Variants in TMEM170B observed in about 807,000 individuals in gnomAD.
TMEM170B encodes transmembrane protein 170B.
TMEM170B carries 6 observed loss-of-function variants against 13.0 expected under a neutral mutation model. The ratio of observed to expected loss-of-function variants is 0.46; its 90% CI spans 0.25 to 0.91. TMEM170B has a LOEUF of 0.91. TMEM170B is among the 40% of genes least tolerant of loss of function. TMEM170B has a pLI of 0.17. For synonymous variants in TMEM170B, 61 were observed against 64.9 expected (o/e 0.94, Z 0.29); for missense variants, 138 against 165.2 (o/e 0.84, Z 0.90).
At chr6:11,548,247 C>T (rs1759466051) in intron 1 of TMEM170B, among the ~76,000 whole-genome samples, 1 of 151,984 alleles carries the variant, frequency 6.6e-6, no homozygotes, top group African/African-American at 2.4e-5. Flanking sequence ...GAAAAAAACC[C>T]ATCAAAAAGT....
At position 11,579,623 on chromosome 6, in the gene TMEM170B, C is replaced by A. The variant is rs1378764533; in HGVS notation, c.*4062C>A. 1 of 152,116 alleles carries A rather than the reference C, an allele frequency of 6.6e-6. No homozygotes were observed. The highest frequency in any genetic ancestry group is 1.5e-5 in the Non-Finnish European group (1 of 68,010). The allele number at this position is 152,116 out of a possible 1,614,324, so 9.4% of individuals were successfully genotyped here. A position where few individuals can be genotyped will look rare whatever the true frequency, so the allele number is the denominator to read the frequency against. On this transcript the variant is annotated 3_prime_UTR_variant, in exon 3 of 3. Coordinates refer to ENST00000379426, the MANE Select transcript of TMEM170B (RefSeq NM_001100829.3). ...CTTTTTCTTTTTAAAATCAGCAGATCTTTAAGAACCTTTTGTGAATTGGTG... is the reference window on the plus strand; with the variant it reads ...CTTTTTCTTTTTAAAATCAGCAGATATTTAAGAACCTTTTGTGAATTGGTG...
In TMEM170B at chr6:11,581,520, T is replaced by C. The variant is rs767184526; in HGVS notation, c.*5959T>C. On this transcript the variant is annotated 3_prime_UTR_variant, in exon 3 of 3. Transcript: ENST00000379426. ...AACATGACTCCACCCTTTTTGGGAATGTATTTAGGTGGATAACTGAAACGG... is the reference window on the plus strand; with the variant it reads ...AACATGACTCCACCCTTTTTGGGAACGTATTTAGGTGGATAACTGAAACGG... 1 of 152,232 alleles carries C rather than the reference T, an allele frequency of 6.6e-6. No individual in the cohort carries two copies. The highest frequency in any genetic ancestry group is 1.5e-5 in the Non-Finnish European group (1 of 68,028). The allele number at this position is 152,232 out of a possible 1,614,324, so 9.4% of individuals were successfully genotyped here. A position where few individuals can be genotyped will look rare whatever the true frequency, so the allele number is the denominator to read the frequency against.
rs112446091 is a variant in TMEM170B, at chr6:11,577,905, T to C, written c.*2344T>C. ...TGTGCAACTGTCTCTCTTTTGATGT[T>C]TTGAGATGCAGTTGAATAGTTTGAG... is the stretch of plus-strand genomic sequence containing the variant. On this transcript the variant is annotated 3_prime_UTR_variant, in exon 3 of 3. Coordinates refer to ENST00000379426, the MANE Select transcript of TMEM170B (RefSeq NM_001100829.3). The C allele has an allele frequency of 2.0e-5, 3 of 152,254 alleles. No individual in the cohort carries two copies. Among genetic ancestry groups the C allele is most frequent in the African/African-American group, 7.2e-5 (3 of 41,568 alleles). The allele number at this position is 152,254 out of a possible 1,614,324, so 9.4% of individuals were successfully genotyped here.
At chr6:11,571,382 A>T (rs1003297789) in intron 2 of TMEM170B, among the ~76,000 whole-genome samples, 2 of 151,972 alleles carry the variant, frequency 1.3e-5, no homozygotes, top group African/African-American at 2.4e-5. Context: ...ATCACTTTTC[A>T]TTGGAATGCT....
chr6:11,571,591 G>A (rs974800346), intron 2 of TMEM170B, among the ~76,000 whole-genome samples: 1 of 151,996 alleles, frequency 6.6e-6, no homozygotes, highest in African/African-American at 2.4e-5. Context: ...AGATCCGCAT[G>A]CGTTATTTAT....
intron 2 of TMEM170B, among the ~76,000 whole-genome samples, chr6:11,573,368 C>T (rs1258091806): frequency 6.6e-6 from 1 of 152,084 alleles, no homozygotes; most frequent in Non-Finnish European, 1.5e-5. Flanking sequence ...AATGGTGAAT[C>T]ACTGATTGGA....
At chr6:11,538,440 G>C (rs966802665) in intron 1 of TMEM170B, 66 bp downstream of exon 1, 4 of 1,231,656 alleles carry the variant, frequency 3.2e-6, no homozygotes, top group Non-Finnish European at 2.2e-6. Flanking sequence ...CTCCTTCCTC[G>C]GGAGGGGACA....
chr6:11,578,751 A>C lies in TMEM170B; in HGVS notation c.*3190A>C, dbSNP rs1460568706. The C allele has an allele frequency of 6.6e-6, 1 of 152,210 alleles. No homozygotes were observed. Among genetic ancestry groups the C allele is most frequent in the African/African-American group, 2.4e-5 (1 of 41,462 alleles). 9.4% of individuals were successfully genotyped at this position (152,210 alleles called of 1,614,324 possible). ...ACATTTCACTGCTCAAAAAAGTATA[A>C]GGGTTTTGTTTGTACTTTAAATGAG... is the stretch of plus-strand genomic sequence containing the variant. On this transcript the variant is annotated 3_prime_UTR_variant, in exon 3 of 3. Coordinates refer to ENST00000379426, the MANE Select transcript of TMEM170B (RefSeq NM_001100829.3).
At chr6:11,566,296 A>G (rs1022252761) in intron 2 of TMEM170B, among the ~76,000 whole-genome samples, 2 of 152,226 alleles carry the variant, frequency 1.3e-5, no homozygotes, top group African/African-American at 4.8e-5. Flanking sequence ...ATTATGGCCT[A>G]CTAGAAATGA....
chr6:11,538,205 C>T lies in TMEM170B; in HGVS notation c.-73C>T. 7.2e-6 allele frequency: 5 copies of T among 697,358 alleles called. No individual in the cohort carries two copies. Among genetic ancestry groups the T allele is most frequent in the Non-Finnish European group, 9.4e-6 (5 of 533,462 alleles). The allele number at this position is 697,358 out of a possible 1,614,324, so 43.2% of individuals were successfully genotyped here. A position where few individuals can be genotyped will look rare whatever the true frequency, so the allele number is the denominator to read the frequency against. On this transcript the variant is annotated 5_prime_UTR_variant, in exon 1 of 3. Transcript: ENST00000379426. ...CCTGGAGGAGCCGCGCACCCGCCGC[C>T]GCCCCCCGAGCCTCGCAGCCGCCGC...
intron 1 of TMEM170B, among the ~76,000 whole-genome samples, chr6:11,541,577 A>C (rs1487403086): frequency 1.3e-5 from 2 of 152,186 alleles, no homozygotes; most frequent in African/African-American, 4.8e-5. Flanking sequence ...AACTTTCTTC[A>C]TATCAGAGAG....
chr6:11,539,454 T>C (rs1258893055), intron 1 of TMEM170B, among the ~76,000 whole-genome samples: 1 of 152,194 alleles, frequency 6.6e-6, no homozygotes, highest in African/African-American at 2.4e-5. Flanking sequence ...ATATAACATA[T>C]ATATAAAGTC....
intron 1 of TMEM170B, among the ~76,000 whole-genome samples, chr6:11,563,009 T>A (rs1176147185): frequency 2.0e-5 from 3 of 152,068 alleles, no homozygotes; most frequent in African/African-American, 4.8e-5. Context: ...TTTTACTTTT[T>A]AAAAAAAATT....
chr6:11,545,280 C>CTCTGTG (rs1442789332), intron 1 of TMEM170B, among the ~76,000 whole-genome samples: 71 of 139,812 alleles, frequency 5.1e-4, no homozygotes, highest in African/African-American at 1.7e-3. Flanking sequence ...CTCTCTCTCT[C>CTCTGTG]TGTGTGTGTG....
rs1759540711 is a variant in TMEM170B, at chr6:11,552,678, A to T, written c.98-12988A>T. On this transcript the variant is annotated intron_variant, in intron 1 of 2. Coordinates refer to ENST00000379426, the MANE Select transcript of TMEM170B (RefSeq NM_001100829.3). ...CTATACATATTTATGAGAGGAGCTG[A>T]GTGCATGCTCAGTGGGTAAACATGG... 2.6e-5 allele frequency among the ~76,000 whole-genome samples: 4 copies of T among 152,340 alleles called. 1 individual carries two copies. The South Asian group carries it at 8.3e-4, about 32-fold the overall frequency.
chr6:11,564,359 A>G (rs367662518), intron 1 of TMEM170B, among the ~76,000 whole-genome samples: 1 of 152,228 alleles, frequency 6.6e-6, no homozygotes, highest in Admixed American at 6.5e-5. Context: ...CCAACAGTAA[A>G]TATCTATGTT....
In TMEM170B at chr6:11,579,622, T is replaced by A. The variant is rs1759925482; in HGVS notation, c.*4061T>A. On this transcript the variant is annotated 3_prime_UTR_variant, in exon 3 of 3. Transcript: ENST00000379426. ...ACTTTTTCTTTTTAAAATCAGCAGA[T>A]CTTTAAGAACCTTTTGTGAATTGGT... 1 of 152,186 alleles carries A rather than the reference T, an allele frequency of 6.6e-6. No individual in the cohort carries two copies. The highest frequency in any genetic ancestry group is 1.5e-5 in the Non-Finnish European group (1 of 68,022). 9.4% of individuals were successfully genotyped at this position (152,186 alleles called of 1,614,324 possible). A position where few individuals can be genotyped will look rare whatever the true frequency, so the allele number is the denominator to read the frequency against.
chr6:11,562,065 A>G (rs191415965), intron 1 of TMEM170B, among the ~76,000 whole-genome samples: 1 of 152,212 alleles, frequency 6.6e-6, no homozygotes, highest in African/African-American at 2.4e-5. Flanking sequence ...GTGAGGTACA[A>G]GGCGGATTGT....
intron 1 of TMEM170B, among the ~76,000 whole-genome samples, chr6:11,545,333 T>C (rs1759422229): frequency 7.1e-6 from 1 of 141,764 alleles, no homozygotes; most frequent in Non-Finnish European, 1.6e-5. Context: ...TAAGTAGTAG[T>C]AGTAGTAGTA....
Sources: gnomAD v4.1 joint callset for allele counts (sites outside exome capture counted in the v4.1 genomes callset) on GRCh38, gnomAD v4.1.1 for gene constraint, MANE v1.5 for transcripts, NCBI Gene and HGNC (gene_info 2026-07-23, HGNC 2026-07-21) for gene names.